SH3KBP1: variants seen among roughly 807,000 people sequenced by gnomAD.
SH3KBP1 encodes SH3 domain-containing kinase-binding protein 1.
SH3KBP1 carries 8 observed loss-of-function variants against 50.1 expected under a neutral mutation model. The observed-to-expected ratio is 0.16, with a 90% confidence interval of 0.09 to 0.29. The LOEUF (loss-of-function observed/expected upper bound fraction) is 0.29, where lower values mean the gene tolerates loss of function less well. Among genes scored for constraint, SH3KBP1 ranks in the 10% least tolerant of loss-of-function variants. The pLI is 1.00. For synonymous variants in SH3KBP1, 227 were observed against 218.6 expected (o/e 1.04, Z -0.34); for missense variants, 377 against 535.2 (o/e 0.70, Z 2.92).
chrX:19,847,332 T>A (rs2068390226), intron 1 of SH3KBP1, among the ~76,000 whole-genome samples: 1 of 111,356 alleles, frequency 9.0e-6, no homozygotes, highest in Non-Finnish European at 1.9e-5. Context: ...GAAAGAAAAG[T>A]CATATTGCCC....
chrX:19,698,883 T>TTGAA (rs770021813), intron 4 of SH3KBP1, among the ~76,000 whole-genome samples: 3,984 of 110,221 alleles, frequency 0.036, 108 homozygotes, highest in African/African-American at 0.075. Context: ...GCCTCACACA[T>TTGAA]TGAATGAATG....
At chrX:19,680,305 G>A (rs1445280039) in intron 6 of SH3KBP1, among the ~76,000 whole-genome samples, 1 of 107,900 alleles carries the variant, frequency 9.3e-6, no homozygotes, top group Non-Finnish European at 1.9e-5. Context: ...ACTTGAACCT[G>A]GGAGGCAGAG....
chrX:19,831,220 C>G lies in SH3KBP1; in HGVS notation c.162+4905G>C, dbSNP rs188738059. Among the ~76,000 whole-genome samples the G allele has an allele frequency of 1.6e-3, 172 of 110,719 alleles. 1 individual carries two copies. The highest frequency in any genetic ancestry group is 5.4e-3 in the African/African-American group (164 of 30,433). On this transcript the variant is annotated intron_variant, in intron 2 of 17. Transcript: ENST00000397821. ...TCACTTGAGGCCAGAAGTTCAAGAC[C>G]AGCCTGGGCAATATAGCAAAACCCC...
intron 1 of SH3KBP1, among the ~76,000 whole-genome samples, chrX:19,861,251 C>T (rs765524234): frequency 1.2e-3 from 126 of 109,441 alleles, no homozygotes; most frequent in Non-Finnish European, 2.1e-3. Context: ...GTGGCAGGCA[C>T]CTGTAGTCCC....
intron 11 of SH3KBP1, among the ~76,000 whole-genome samples, chrX:19,589,508 C>T (rs1257392486): frequency 8.9e-6 from 1 of 111,980 alleles, no homozygotes; most frequent in Non-Finnish European, 1.9e-5. Context: ...TAGGACTTCA[C>T]AGGTATAAGG....
chrX:19,568,134 G>A (rs1164008446), intron 13 of SH3KBP1, among the ~76,000 whole-genome samples: 3 of 111,396 alleles, frequency 2.7e-5, no homozygotes, highest in Non-Finnish European at 3.8e-5. Flanking sequence ...AGGCGGTGGG[G>A]ATGGTTAATA....
At chrX:19,572,548 T>G (rs1287424019) in intron 12 of SH3KBP1, among the ~76,000 whole-genome samples, 5 of 108,851 alleles carry the variant, frequency 4.6e-5, no homozygotes, top group Admixed American at 4.0e-4. Context: ...TCTGTCTATA[T>G]ATAAAAGAGT....
intron 2 of SH3KBP1, among the ~76,000 whole-genome samples, chrX:19,782,243 G>A (rs916131681): frequency 9.0e-6 from 1 of 111,560 alleles, no homozygotes; most frequent in East Asian, 2.8e-4. Flanking sequence ...GGAGTGATGC[G>A]GCTGGAAGCA....
At chrX:19,827,865 G>A (rs1379075753) in intron 2 of SH3KBP1, among the ~76,000 whole-genome samples, 9 of 76,560 alleles carry the variant, frequency 1.2e-4, no homozygotes, top group African/African-American at 5.8e-4. Flanking sequence ...CCCATATTAT[G>A]GTCTGTCATG....
chrX:19,863,189 T>C (rs2068820105), intron 1 of SH3KBP1, among the ~76,000 whole-genome samples: 1 of 111,165 alleles, frequency 9.0e-6, no homozygotes, highest in Non-Finnish European at 1.9e-5. Context: ...CAAAACAGAC[T>C]GCAGTGTGCT....
At chrX:19,729,957 T>G (rs1477251276) in intron 3 of SH3KBP1, among the ~76,000 whole-genome samples, 1 of 111,750 alleles carries the variant, frequency 8.9e-6, no homozygotes, top group Non-Finnish European at 1.9e-5. Context: ...ATGCTGGTTT[T>G]CCCATCCCTA....
At chrX:19,831,660 A>G (rs1400923361) in intron 2 of SH3KBP1, among the ~76,000 whole-genome samples, 4 of 107,296 alleles carry the variant, frequency 3.7e-5, no homozygotes, top group South Asian at 4.2e-4. Context: ...GCGTGGTGGC[A>G]CATGCCTGTA....
intron 8 of SH3KBP1, among the ~76,000 whole-genome samples, chrX:19,631,288 A>G (rs1397038721): frequency 8.9e-6 from 1 of 112,821 alleles, no homozygotes; most frequent in African/African-American, 3.2e-5. Context: ...CACACAAAGT[A>G]CACAGCCAAG....
intron 14 of SH3KBP1, among the ~76,000 whole-genome samples, chrX:19,548,844 A>AGAGAGG (rs1441691463): frequency 9.0e-6 from 1 of 110,601 alleles, no homozygotes; most frequent in Non-Finnish European, 1.9e-5. Context: ...AGAGAGAGAG[A>AGAGAGG]GAAATCGAAC....
At chrX:19,540,162 G>A (rs1435485028) in intron 16 of SH3KBP1, among the ~76,000 whole-genome samples, 2 of 111,379 alleles carry the variant, frequency 1.8e-5, no homozygotes, top group African/African-American at 3.3e-5. Flanking sequence ...GTACCTAAAT[G>A]AGTAACCTCC....
At chrX:19,872,220 C>CCAGCCTGG (rs755518225) in intron 1 of SH3KBP1, among the ~76,000 whole-genome samples, 1 of 86,817 alleles carries the variant, frequency 1.2e-5, no homozygotes, top group South Asian at 7.2e-4. Flanking sequence ...CCATTGCACT[C>CCAGCCTGG]CAGCCTGGAC....
chrX:19,765,456 A>G (rs1319582560), intron 2 of SH3KBP1, among the ~76,000 whole-genome samples: 1 of 111,147 alleles, frequency 9.0e-6, no homozygotes, highest in African/African-American at 3.3e-5. Flanking sequence ...CTTCGAGGCC[A>G]GCAGTATAGC....
At chrX:19,876,814 C>A (rs1055550377) in intron 1 of SH3KBP1, among the ~76,000 whole-genome samples, 7 of 111,180 alleles carry the variant, frequency 6.3e-5, no homozygotes, top group Non-Finnish European at 1.3e-4. Context: ...GGATATATAA[C>A]CTATTCCAAA....
chrX:19,622,907 G>A (rs757822658), intron 8 of SH3KBP1, among the ~76,000 whole-genome samples: 25 of 110,510 alleles, frequency 2.3e-4, no homozygotes, highest in Non-Finnish European at 4.2e-4. Context: ...GCTGGGTGTG[G>A]TGGCACAGGC....
Sources: gnomAD v4.1 joint callset for allele counts (sites outside exome capture counted in the v4.1 genomes callset) on GRCh38, gnomAD v4.1.1 for gene constraint, MANE v1.5 for transcripts, NCBI Gene and HGNC (gene_info 2026-07-23, HGNC 2026-07-21) for gene names.